The following GRID2 variants were observed in gnomAD, a reference collection of about 807,000 sequenced individuals.
GRID2 encodes glutamate ionotropic receptor delta type subunit 2.
GRID2 carries 33 observed loss-of-function variants against 114.8 expected under a neutral mutation model. That is an observed-to-expected ratio of 0.29 (90% CI 0.22 to 0.38). The LOEUF is 0.38. Ranked by LOEUF, GRID2 falls within the 10% of genes least tolerant of loss-of-function variation. The pLI is 1.00. For missense variants in GRID2, 1,184 were observed against 1,257.7 expected (o/e 0.94, Z 0.89); for synonymous variants, 505 against 449.9 (o/e 1.12, Z -1.55).
chr4:93,093,128 A>G (rs1395958812), intron 3 of GRID2, among the ~76,000 whole-genome samples: 1 of 152,032 alleles, frequency 6.6e-6, no homozygotes, highest in African/African-American at 2.4e-5. Flanking sequence ...TAAAGGAAGA[A>G]TTTGATTTTG....
chr4:92,566,856 A>G (rs1183288513), intron 1 of GRID2, among the ~76,000 whole-genome samples: 1 of 152,060 alleles, frequency 6.6e-6, no homozygotes, highest in East Asian at 1.9e-4. Context: ...TCAGTTGTGG[A>G]TGATTTTCAC....
At chr4:93,110,638 G>T in intron 3 of GRID2, 110 bp from the exon 4 acceptor site, 1 of 736,332 alleles carries the variant, frequency 1.4e-6, no homozygotes, top group South Asian at 1.7e-5. Context: ...GGTAATTTTA[G>T]ACAGCCTACA....
intron 2 of GRID2, among the ~76,000 whole-genome samples, chr4:92,693,667 A>G (rs1318877336): frequency 2.0e-5 from 3 of 152,216 alleles, no homozygotes; most frequent in Non-Finnish European, 4.4e-5. Flanking sequence ...GTGGAATTAC[A>G]TCTAAAACTC....
chr4:93,600,732 G>A (rs1478304143), intron 13 of GRID2, among the ~76,000 whole-genome samples: 3 of 152,144 alleles, frequency 2.0e-5, no homozygotes, highest in Non-Finnish European at 4.4e-5. Context: ...TAAAAGAGAG[G>A]AAAACTTCCA....
chr4:92,680,023 G>A (rs1733571406), intron 2 of GRID2, among the ~76,000 whole-genome samples: 1 of 151,918 alleles, frequency 6.6e-6, no homozygotes, highest in South Asian at 2.1e-4. Context: ...AACTTTCCTG[G>A]CTTAGGGGAA....
chr4:92,822,693 A>C (rs1220543193), intron 2 of GRID2: 1 of 160,818 alleles, frequency 6.2e-6, no homozygotes, highest in East Asian at 1.9e-4. Flanking sequence ...GGAGGCTGAG[A>C]GGAAAAAGTG....
At chr4:93,502,706 C>T (rs897999780) in intron 12 of GRID2, among the ~76,000 whole-genome samples, 1 of 120,016 alleles carries the variant, frequency 8.3e-6, no homozygotes, top group Non-Finnish European at 1.7e-5. Flanking sequence ...CTCTCCTCCA[C>T]TCCCCCCCCC....
chr4:93,420,515 C>T (rs1768152980), intron 9 of GRID2, among the ~76,000 whole-genome samples: 1 of 151,806 alleles, frequency 6.6e-6, no homozygotes, highest in Non-Finnish European at 1.5e-5. Flanking sequence ...TGTATTTTAC[C>T]AATAATATTA....
At chr4:92,403,663 G>C (rs1253258000) in intron 1 of GRID2, among the ~76,000 whole-genome samples, 1 of 151,360 alleles carries the variant, frequency 6.6e-6, no homozygotes, top group Non-Finnish European at 1.5e-5. Context: ...CTGTACTCCA[G>C]CCTGGGGGAC....
At chr4:92,597,492 G>A (rs955431160) in intron 2 of GRID2, among the ~76,000 whole-genome samples, 2 of 152,082 alleles carry the variant, frequency 1.3e-5, no homozygotes, top group East Asian at 1.9e-4. Flanking sequence ...GATCTGTTGT[G>A]TTACCTCATA....
At chr4:93,631,857 C>G (rs1158105049) in intron 14 of GRID2, among the ~76,000 whole-genome samples, 3 of 152,214 alleles carry the variant, frequency 2.0e-5, no homozygotes. Flanking sequence ...TCCTATTTCT[C>G]CACATCCTCT....
intron 2 of GRID2, among the ~76,000 whole-genome samples, chr4:93,017,554 C>T (rs1722867764): frequency 6.6e-6 from 1 of 151,928 alleles, no homozygotes; most frequent in African/African-American, 2.4e-5. Context: ...TGGCTCACAC[C>T]TATAACCCCA....
At chr4:93,525,930 A>G (rs1411488249) in intron 13 of GRID2, among the ~76,000 whole-genome samples, 1 of 152,214 alleles carries the variant, frequency 6.6e-6, no homozygotes, top group Non-Finnish European at 1.5e-5. Flanking sequence ...TATTCCAATA[A>G]ATATCCAAGG....
Position 93,749,814 on chromosome 4 carries a change from A to G in GRID2, c.2361-19396A>G, listed in dbSNP as rs1336607282. ...TTAGCCAAAAACAAAACAAAACAAAAAAGTCTTTGGTTGTTTAAGCTAACA... is the reference window on the plus strand; with the variant it reads ...TTAGCCAAAAACAAAACAAAACAAAGAAGTCTTTGGTTGTTTAAGCTAACA... On this transcript the variant is annotated intron_variant, in intron 14 of 15. Coordinates refer to ENST00000282020, the MANE Select transcript of GRID2 (RefSeq NM_001510.4). Among the ~76,000 whole-genome samples the G allele has an allele frequency of 5.3e-5, 8 of 152,252 alleles. No homozygotes were observed. The East Asian group carries it at 1.4e-3, about 26-fold the overall frequency.
At chr4:93,797,842 GAA>G (rs10536515) in intron 1 of GRID2, among the ~76,000 whole-genome samples, 46,527 of 127,716 alleles carry the variant, frequency 0.36, 8,253 homozygotes, top group Non-Finnish European at 0.41. Flanking sequence ...TCCCCAGGAT[GAA>G]AAAAAAAAAA....
chr4:93,184,145 G>C (rs1740167643), intron 4 of GRID2, among the ~76,000 whole-genome samples: 1 of 152,112 alleles, frequency 6.6e-6, no homozygotes. Context: ...TTCCAGATGG[G>C]AAAAACTGTT....
Position 92,587,098 on chromosome 4 carries a change from C to CTGTGTGTGTGTGTG in GRID2, c.89-3003_89-2990dup, listed in dbSNP as rs70942914. On this transcript the variant is annotated intron_variant, in intron 1 of 15. Coordinates refer to ENST00000282020, the MANE Select transcript of GRID2 (RefSeq NM_001510.4). ...ATATATAGAGAGTACTGATGAAATG[C>CTGTGTGTGTGTGTG]TGTGTGTGTGTGTGTGTGTGTGTGT... Among the ~76,000 whole-genome samples the CTGTGTGTGTGTGTG allele has an allele frequency of 1.2e-3, 166 of 133,840 alleles. 1 individual carries two copies. Among genetic ancestry groups the CTGTGTGTGTGTGTG allele is most frequent in the African/African-American group, 4.4e-3 (159 of 36,478 alleles). 87.8% of individuals were successfully genotyped at this position (133,840 alleles called of 152,430 possible).
intron 2 of GRID2, among the ~76,000 whole-genome samples, chr4:93,008,320 T>C (rs1721774490): frequency 1.3e-5 from 2 of 152,130 alleles, no homozygotes; most frequent in Admixed American, 1.3e-4. Flanking sequence ...AGAAAACCTA[T>C]ACTGTATGTG....
intron 14 of GRID2, among the ~76,000 whole-genome samples, chr4:93,677,823 GA>G (rs1396972085): frequency 6.6e-6 from 1 of 152,130 alleles, no homozygotes; most frequent in African/African-American, 2.4e-5. Context: ...AAACCACAAA[GA>G]TGGGGAAAAA....
Sources: gnomAD v4.1 joint callset for allele counts (sites outside exome capture counted in the v4.1 genomes callset) on GRCh38, gnomAD v4.1.1 for gene constraint, MANE v1.5 for transcripts, NCBI Gene and HGNC (gene_info 2026-07-23, HGNC 2026-07-21) for gene names.